The following DCX variants were observed in gnomAD, a reference collection of about 807,000 sequenced individuals.
DCX encodes neuronal migration protein doublecortin.
DCX carries 4 observed loss-of-function variants against 20.9 expected under a neutral mutation model. The ratio of observed to expected loss-of-function variants is 0.19; its 90% CI spans 0.09 to 0.44. The LOEUF (loss-of-function observed/expected upper bound fraction) is 0.44, where lower values mean the gene tolerates loss of function less well. Ranked by LOEUF, DCX falls within the 20% of genes least tolerant of loss-of-function variation. The probability of loss-of-function intolerance (pLI) is 0.99; values close to 1 mark genes in which losing one functional copy is unlikely to be tolerated. For synonymous variants in DCX, 103 were observed against 111.4 expected (o/e 0.92, Z 0.47); for missense variants, 133 against 296.9 (o/e 0.45, Z 4.06).
chrX:111,351,419 A>G (rs1457811407), intron 3 of DCX, among the ~76,000 whole-genome samples: 1 of 112,426 alleles, frequency 8.9e-6, no homozygotes. Context: ...CAGAAACAGT[A>G]TATCTTTTAG....
In DCX at chrX:111,303,979, G is replaced by C. The variant is rs771640053; in HGVS notation, c.1045-2236C>G. ...AAAAAAACATATTTTAGATGGGGTG[G>C]GTCATCCATGCAAATATAACCAAGA... is the stretch of plus-strand genomic sequence containing the variant. On this transcript the variant is annotated intron_variant, in intron 6 of 6. Transcript: ENST00000636035. 9.0e-5 allele frequency among the ~76,000 whole-genome samples: 10 copies of C among 111,670 alleles called. No individual in the cohort carries two copies. In the South Asian group the frequency reaches 3.8e-3, roughly 42 times the overall value.
rs954514783 is a variant in DCX, at chrX:111,381,879, A to G, written c.705+19111T>C. 3.6e-5 allele frequency among the ~76,000 whole-genome samples: 4 copies of G among 112,045 alleles called. No individual in the cohort carries two copies. The Admixed American group carries it at 3.8e-4, about 11-fold the overall frequency. On this transcript the variant is annotated intron_variant, in intron 3 of 6. Transcript: ENST00000636035. Reference sequence around the variant, plus strand: ...AATCCATTCTAAAGGGCTATTGATGATGCAAGAATATTACTCTGGTTTTCT... The same window carrying G: ...AATCCATTCTAAAGGGCTATTGATGGTGCAAGAATATTACTCTGGTTTTCT...
chrX:111,408,685 A>T (rs1302395389), intron 2 of DCX, among the ~76,000 whole-genome samples: 2 of 110,492 alleles, frequency 1.8e-5, no homozygotes, highest in Non-Finnish European at 3.8e-5. Context: ...AAAGAAAGAA[A>T]GAAAGAAAGG....
chrX:111,346,640 C>T (rs1031058767), intron 3 of DCX, among the ~76,000 whole-genome samples: 1 of 111,679 alleles, frequency 9.0e-6, no homozygotes, highest in East Asian at 2.8e-4. Flanking sequence ...ACTGATCGAA[C>T]GATACTGTGA....
chrX:111,408,695 G>GA (rs1569498238), intron 2 of DCX, among the ~76,000 whole-genome samples: 17 of 91,418 alleles, frequency 1.9e-4, no homozygotes, highest in South Asian at 1.1e-3. Flanking sequence ...AGAAAGAAAG[G>GA]AAGGAAGTCG....
intron 3 of DCX, among the ~76,000 whole-genome samples, chrX:111,345,713 T>C (rs1252762608): frequency 3.6e-5 from 4 of 111,214 alleles, no homozygotes; most frequent in Admixed American, 2.8e-4. Context: ...ACGCCAGTCA[T>C]GCGTCTTTAT....
intron 2 of DCX, among the ~76,000 whole-genome samples, chrX:111,405,684 A>C (rs1013288921): frequency 9.0e-6 from 1 of 111,335 alleles, no homozygotes; most frequent in Non-Finnish European, 1.9e-5. Context: ...AAGATTCTAA[A>C]AAAAATAAAT....
At chrX:111,312,866 A>G (rs2095060696) in intron 5 of DCX, 130 bp from the exon 6 acceptor site, 1 of 614,802 alleles carries the variant, frequency 1.6e-6, no homozygotes, top group Non-Finnish European at 2.6e-6. Flanking sequence ...TTTGGTGAGT[A>G]GAACAAAGGT....
At position 111,300,981 on chromosome X, in the gene DCX, G is replaced by A. The variant is rs1379913903; in HGVS notation, c.*706C>T. ...TGATTCCAAATTGCCTCAGTGGAGA[G>A]ATTGACCAGGAATTCACTGTGCTTT... On this transcript the variant is annotated 3_prime_UTR_variant, in exon 7 of 7. Coordinates refer to ENST00000636035, the MANE Select transcript of DCX (RefSeq NM_001195553.2). 1.8e-5 allele frequency: 2 copies of A among 113,449 alleles called. No individual in the cohort carries two copies. The highest frequency in any genetic ancestry group is 3.7e-5 in the Non-Finnish European group (2 of 53,989). The allele number at this position is 113,449 out of a possible 1,213,427, so 9.3% of individuals were successfully genotyped here.
At chrX:111,328,152 C>T (rs1156362709) in intron 5 of DCX, among the ~76,000 whole-genome samples, 1 of 111,709 alleles carries the variant, frequency 9.0e-6, no homozygotes, top group Non-Finnish European at 1.9e-5. Context: ...CCTCATACAC[C>T]CAAATTGGTT....
rs2095024271 is a variant in DCX at position 111,297,567 on chromosome X, T to C, written c.*4120A>G. On this transcript the variant is annotated 3_prime_UTR_variant, in exon 7 of 7. Coordinates refer to ENST00000636035, the MANE Select transcript of DCX (RefSeq NM_001195553.2). ...CTTGCCTTCTTCAAATAGCTACACA[T>C]CCACTTTCAGGTTCCTTGGTTACTT... 3 of 111,640 alleles carry C rather than the reference T, an allele frequency of 2.7e-5. No homozygotes were observed. In the Admixed American group the frequency reaches 2.8e-4, roughly 11 times the overall value. The allele number at this position is 111,640 out of a possible 1,213,427, so 9.2% of individuals were successfully genotyped here. A position where few individuals can be genotyped will look rare whatever the true frequency, so the allele number is the denominator to read the frequency against.
intron 3 of DCX, among the ~76,000 whole-genome samples, chrX:111,375,230 AC>A (rs1362014044): frequency 2.8e-5 from 3 of 108,678 alleles, no homozygotes; most frequent in African/African-American, 1.0e-4. Flanking sequence ...AAACACACAC[AC>A]AAAAAAGGAA....
At chrX:111,305,240 T>TA (rs752818343) in intron 6 of DCX, among the ~76,000 whole-genome samples, 12 of 111,303 alleles carry the variant, frequency 1.1e-4, no homozygotes, top group East Asian at 5.6e-4. Flanking sequence ...TCCACATAAT[T>TA]AAAAAAAATA....
chrX:111,370,866 AG>A (rs1434950249), intron 3 of DCX, among the ~76,000 whole-genome samples: 1 of 111,931 alleles, frequency 8.9e-6, no homozygotes, highest in Non-Finnish European at 1.9e-5. Flanking sequence ...ATTTTTTAAA[AG>A]CTCCACAAGG....
intron 6 of DCX, among the ~76,000 whole-genome samples, chrX:111,309,321 CA>C (rs1212248901): frequency 2.0e-4 from 22 of 112,264 alleles, no homozygotes; most frequent in African/African-American, 7.1e-4. Flanking sequence ...GTCATGGCCT[CA>C]GCCATCTGCT....
chrX:111,364,634 G>A (rs1924462420), intron 3 of DCX, among the ~76,000 whole-genome samples: 1 of 111,690 alleles, frequency 9.0e-6, no homozygotes, highest in Non-Finnish European at 1.9e-5. Flanking sequence ...CCATTTTTTT[G>A]TAATAGCCTC....
chrX:111,359,370 C>T (rs1388957345), intron 3 of DCX, among the ~76,000 whole-genome samples: 1 of 111,057 alleles, frequency 9.0e-6, no homozygotes, highest in Non-Finnish European at 1.9e-5. Context: ...GGTAGATTAC[C>T]CCCCAACTCT....
chrX:111,328,145 C>G (rs2095103791), intron 5 of DCX, among the ~76,000 whole-genome samples: 1 of 112,078 alleles, frequency 8.9e-6, no homozygotes, highest in Admixed American at 9.5e-5. Flanking sequence ...AAATTCCCCT[C>G]ATACACCCAA....
In DCX at chrX:111,352,837, C is replaced by CAGAGAGAGAG. The variant is rs768081351; in HGVS notation, c.706-19694_706-19685dup. ...GTGAAAGCTGAGGCAGACAGACAGA[C>CAGAGAGAGAG]AGAGAGAGAGAGAGAGAGAGAGAGA... On this transcript the variant is annotated intron_variant, in intron 3 of 6. Coordinates refer to ENST00000636035, the MANE Select transcript of DCX (RefSeq NM_001195553.2). 3.4e-3 allele frequency among the ~76,000 whole-genome samples: 310 copies of CAGAGAGAGAG among 90,131 alleles called. 4 individuals are homozygous for CAGAGAGAGAG. The highest frequency in any genetic ancestry group is 0.012 in the African/African-American group (277 of 23,752). The allele number at this position is 90,131 out of a possible 115,157, so 78.3% of individuals were successfully genotyped here.
Sources: allele counts gnomAD v4.1 joint callset (sites outside exome capture counted in the v4.1 genomes callset), GRCh38; gene constraint gnomAD v4.1.1; transcripts MANE v1.5; gene names NCBI Gene and HGNC (gene_info 2026-07-23, HGNC 2026-07-21).